KCND2: variants seen among roughly 807,000 people sequenced by gnomAD.
KCND2 encodes potassium voltage-gated channel subfamily D member 2.
A neutral mutation model predicts 54.4 loss-of-function variants in KCND2; 16 were observed. The observed-to-expected ratio is 0.29, with a 90% confidence interval of 0.20 to 0.45. The LOEUF is 0.45. Ranked by LOEUF, KCND2 falls within the 20% of genes least tolerant of loss-of-function variation. KCND2 has a pLI of 1.00. For synonymous variants in KCND2, 317 were observed against 310.7 expected (o/e 1.02, Z -0.21); for missense variants, 486 against 824.2 (o/e 0.59, Z 5.02).
intron 1 of KCND2, among the ~76,000 whole-genome samples, chr7:120,488,772 A>T (rs1161158908): frequency 6.6e-6 from 1 of 152,030 alleles, no homozygotes; most frequent in African/African-American, 2.4e-5. Context: ...GAAAGAAAAA[A>T]TTTAAAAATC....
intron 1 of KCND2, among the ~76,000 whole-genome samples, chr7:120,352,396 A>G (rs1203417861): frequency 2.0e-5 from 3 of 151,950 alleles, no homozygotes; most frequent in Non-Finnish European, 4.4e-5. Context: ...GAATACATAC[A>G]TATATATGAA....
chr7:120,523,833 AC>A (rs1791734410), intron 1 of KCND2, among the ~76,000 whole-genome samples: 1 of 150,700 alleles, frequency 6.6e-6, no homozygotes, highest in South Asian at 2.1e-4. Flanking sequence ...ATATTCAGCA[AC>A]ATATATATGG....
At chr7:120,402,078 G>A (rs1035183420) in intron 1 of KCND2, among the ~76,000 whole-genome samples, 5 of 152,076 alleles carry the variant, frequency 3.3e-5, no homozygotes, top group African/African-American at 7.2e-5. Context: ...TTTAACAAAC[G>A]GAAAATGAGT....
intron 1 of KCND2, among the ~76,000 whole-genome samples, chr7:120,650,901 G>A (rs1298725502): frequency 7.0e-6 from 1 of 143,480 alleles, no homozygotes; most frequent in East Asian, 1.9e-4. Context: ...GTTTGCCTGG[G>A]TATCAGCAGC....
At chr7:120,651,421 C>T (rs189321460) in intron 1 of KCND2, among the ~76,000 whole-genome samples, 141 of 152,276 alleles carry the variant, frequency 9.3e-4, no homozygotes, top group Non-Finnish European at 1.1e-3. Flanking sequence ...CAGCCATGCA[C>T]GGGATATAAT....
chr7:120,549,676 C>T (rs573574143), intron 1 of KCND2, among the ~76,000 whole-genome samples: 1 of 152,210 alleles, frequency 6.6e-6, no homozygotes, highest in East Asian at 1.9e-4. Flanking sequence ...ATCCATCCTG[C>T]TAACTGAGTA....
At chr7:120,739,400 T>G (rs10272339) in intron 2 of KCND2, among the ~76,000 whole-genome samples, 16,878 of 152,012 alleles carry the variant, frequency 0.11, 2,508 homozygotes, top group African/African-American at 0.34. Context: ...AAATGTCCTT[T>G]TCACTTGCTA....
intron 1 of KCND2, among the ~76,000 whole-genome samples, chr7:120,574,579 A>C (rs2116431455): frequency 6.6e-6 from 1 of 152,288 alleles, no homozygotes; most frequent in Admixed American, 6.5e-5. Context: ...TCTCAAACTT[A>C]GCTTCACTTC....
intron 1 of KCND2, among the ~76,000 whole-genome samples, chr7:120,291,810 G>A (rs929746197): frequency 1.3e-5 from 2 of 151,964 alleles, no homozygotes; most frequent in East Asian, 1.9e-4. Flanking sequence ...ATGACCAATT[G>A]TTTTCTTGAG....
intron 1 of KCND2, among the ~76,000 whole-genome samples, chr7:120,490,068 C>T (rs1802756231): frequency 6.6e-6 from 1 of 152,182 alleles, no homozygotes; most frequent in Admixed American, 6.6e-5. Flanking sequence ...AAGTCTGATC[C>T]CTGGAAGGCA....
chr7:120,306,631 G>A (rs143207649), intron 1 of KCND2, among the ~76,000 whole-genome samples: 109 of 151,918 alleles, frequency 7.2e-4, no homozygotes, highest in African/African-American at 2.6e-3. Context: ...ATTCAAAATC[G>A]ACTAATAATT....
chr7:120,744,815 C>T (rs1397718642), intron 4 of KCND2, among the ~76,000 whole-genome samples: 1 of 152,100 alleles, frequency 6.6e-6, no homozygotes, highest in Non-Finnish European at 1.5e-5. Flanking sequence ...ATAAGACTAT[C>T]CCCACCCATG....
At chr7:120,629,682 T>G (rs1284440562) in intron 1 of KCND2, among the ~76,000 whole-genome samples, 1 of 152,200 alleles carries the variant, frequency 6.6e-6, no homozygotes, top group East Asian at 1.9e-4. Flanking sequence ...GTTGCAGTAG[T>G]TCAAGTGTGA....
intron 1 of KCND2, among the ~76,000 whole-genome samples, chr7:120,608,031 G>A (rs1209764551): frequency 6.7e-6 from 1 of 148,682 alleles, no homozygotes; most frequent in South Asian, 2.1e-4. Context: ...TTTTTTTTCT[G>A]TAGGTGGTAT....
At chr7:120,290,043 T>G (rs1240854986) in intron 1 of KCND2, among the ~76,000 whole-genome samples, 1 of 152,144 alleles carries the variant, frequency 6.6e-6, no homozygotes, top group African/African-American at 2.4e-5. Context: ...TGTTTTAAGC[T>G]GCCTCAATAT....
At chr7:120,297,903 T>A (rs922695774) in intron 1 of KCND2, among the ~76,000 whole-genome samples, 8 of 152,172 alleles carry the variant, frequency 5.3e-5, no homozygotes, top group Non-Finnish European at 1.0e-4. Flanking sequence ...GAAAATTTAG[T>A]TTAGCACTGT....
chr7:120,285,494 A>G (rs766075078), intron 1 of KCND2, among the ~76,000 whole-genome samples: 2 of 152,110 alleles, frequency 1.3e-5, no homozygotes, highest in African/African-American at 2.4e-5. Flanking sequence ...AAAACATCTC[A>G]TAGACATTCA....
chr7:120,638,489 C>A (rs1458481884), intron 1 of KCND2, among the ~76,000 whole-genome samples: 2 of 152,110 alleles, frequency 1.3e-5, no homozygotes, highest in Non-Finnish European at 2.9e-5. Flanking sequence ...GATTTGGATG[C>A]TCTACCTAAT....
intron 1 of KCND2, among the ~76,000 whole-genome samples, chr7:120,427,796 C>G (rs546445974): frequency 1.9e-4 from 29 of 152,202 alleles, no homozygotes; most frequent in African/African-American, 5.8e-4. Context: ...TGCTGTGACT[C>G]TTATCTAAAT....
Sources: allele counts gnomAD v4.1 joint callset (sites outside exome capture counted in the v4.1 genomes callset), GRCh38; gene constraint gnomAD v4.1.1; transcripts MANE v1.5; gene names NCBI Gene and HGNC (gene_info 2026-07-23, HGNC 2026-07-21).